OVCH2: variants seen among roughly 807,000 people sequenced by gnomAD.
OVCH2 encodes ovochymase-2.
In OVCH2, 88 loss-of-function variants were observed where a neutral mutation model predicts 73.7. The ratio of observed to expected loss-of-function variants is 1.19; its 90% CI spans 1.01 to 1.43. OVCH2 has a LOEUF of 1.43. Ranked by LOEUF, OVCH2 falls within the 40% of genes most tolerant of loss-of-function variation. The pLI, the probability that OVCH2 is intolerant of heterozygous loss-of-function variation, is 0.00. For synonymous variants in OVCH2, 265 were observed against 234.5 expected (o/e 1.13, Z -1.19); for missense variants, 706 against 674.5 (o/e 1.05, Z -0.52).
Position 7,698,738 on chromosome 11 carries a change from AG to A in OVCH2, c.925+11del. On this transcript the variant is annotated intron_variant, in intron 8 of 15. Transcript: ENST00000533663. ...TGTGCTCCTGATGGAGCAGCCTGCA[AG>A]GGATACCCACCTCTGGAGCTCTTTC... is the stretch of plus-strand genomic sequence containing the variant. 6.2e-7 allele frequency: 1 copy of A among 1,611,734 alleles called. No individual in the cohort carries two copies. The highest frequency in any genetic ancestry group is 8.5e-7 in the Non-Finnish European group (1 of 1,178,946).
At chr11:7,691,119 C>T in intron 14 of OVCH2, 150 bp downstream of exon 14, 1 of 994,336 alleles carries the variant, frequency 1.0e-6, no homozygotes, top group Middle Eastern at 2.2e-4. Flanking sequence ...GCTGAGTATT[C>T]TCTTATTCAG....
intron 15 of OVCH2, 49 bp from the exon 16 acceptor site, chr11:7,689,651 T>G: frequency 1.9e-6 from 1 of 531,716 alleles, no homozygotes; most frequent in Non-Finnish European, 3.6e-6. Flanking sequence ...TTACACGATA[T>G]TCTCCCTGTG....
the OVCH2 span, among the ~76,000 whole-genome samples, chr11:7,684,209 A>G: frequency 0.048 from 7,251 of 152,114 alleles, 331 homozygotes; most frequent in African/African-American, 0.11. Flanking sequence ...AAAGTTTGTC[A>G]GCAGAAGTTA....
At chr11:7,691,174 A>T in intron 14 of OVCH2, 95 bp downstream of exon 14, 2 of 1,413,284 alleles carry the variant, frequency 1.4e-6, no homozygotes, top group South Asian at 2.5e-5. Flanking sequence ...AGATAGTGAG[A>T]ATCGACTGTC....
downstream of OVCH2, among the ~76,000 whole-genome samples, chr11:7,685,816 G>A (rs541294134): frequency 3.3e-5 from 5 of 152,280 alleles, 1 homozygote; most frequent in South Asian, 1.0e-3. Context: ...TGTCACAGGT[G>A]TTCAGTAATT....
At position 7,689,671 on chromosome 11, in the gene OVCH2, C is replaced by T. The variant is rs117692248; in HGVS notation, c.*32-69G>A. 217 of 569,094 alleles carry T rather than the reference C, an allele frequency of 3.8e-4. 2 individuals carry two copies. In the East Asian group the frequency reaches 8.5e-3, roughly 22 times the overall value. The allele number at this position is 569,094 out of a possible 1,614,324, so 35.3% of individuals were successfully genotyped here. A position where few individuals can be genotyped will look rare whatever the true frequency, so the allele number is the denominator to read the frequency against. ...CGATATTCTCCCTGTGTGTGTATGT[C>T]TCTCTGCTTCCAATTTTCTCCTTTT... On this transcript the variant is annotated intron_variant, in intron 15 of 15. Coordinates refer to ENST00000533663, the MANE Select transcript of OVCH2 (RefSeq NM_198185.7).
downstream of OVCH2, among the ~76,000 whole-genome samples, chr11:7,688,831 C>A (rs910078080): frequency 2.0e-5 from 3 of 152,146 alleles, no homozygotes; most frequent in Non-Finnish European, 4.4e-5. Context: ...CAGAACTTCT[C>A]AATGCTCATT....
At chr11:7,701,560 T>C (rs892698111) in intron 5 of OVCH2, 85 bp from the exon 6 acceptor site, 12 of 1,519,420 alleles carry the variant, frequency 7.9e-6, no homozygotes, top group Non-Finnish European at 1.1e-5. Context: ...TTGTGTCGCT[T>C]GGCAAGACTT....
chr11:7,699,261 T>C (rs1456845466), intron 7 of OVCH2: 1 of 156,174 alleles, frequency 6.4e-6, no homozygotes, highest in Non-Finnish European at 1.4e-5. Context: ...ACAATTAAGT[T>C]GGATTTGGAG....
intron 7 of OVCH2, 70 bp downstream of exon 7, chr11:7,700,226 G>A: frequency 6.8e-7 from 1 of 1,474,472 alleles, no homozygotes; most frequent in Non-Finnish European, 9.3e-7. Context: ...GATTTGCCAG[G>A]ACTCTGCTGA....
chr11:7,681,737 AG>A, the OVCH2 span, among the ~76,000 whole-genome samples: 1 of 151,930 alleles, frequency 6.6e-6, no homozygotes, highest in East Asian at 1.9e-4. Context: ...ACCAGGAGTA[AG>A]TGAGGCAGTT....
chr11:7,690,503 T>C, intron 14 of OVCH2, among the ~76,000 whole-genome samples: 1 of 59,226 alleles, frequency 1.7e-5, no homozygotes, highest in East Asian at 4.8e-4. Context: ...ACACATCTAG[T>C]AATGATTGGC....
At chr11:7,701,944 G>A in intron 4 of OVCH2, 133 bp from the exon 5 acceptor site, 1 of 837,728 alleles carries the variant, frequency 1.2e-6, no homozygotes, top group Non-Finnish European at 1.9e-6. Context: ...GGCACCTCCA[G>A]GGGTTACTTG....
intron 3 of OVCH2, 69 bp from the exon 4 acceptor site, chr11:7,702,398 C>T: frequency 8.3e-7 from 1 of 1,208,510 alleles, no homozygotes; most frequent in Non-Finnish European, 1.1e-6. Context: ...ATGGTTGACA[C>T]ACTAGCTTCT....
rs868809219 is a variant in OVCH2 at position 7,691,995 on chromosome 11, G to T, written c.1414C>A (p.Leu472Ile). The T allele has an allele frequency of 6.4e-7, 1 of 1,560,692 alleles. No homozygotes were observed. The highest frequency in any genetic ancestry group is 8.7e-7 in the Non-Finnish European group (1 of 1,150,560). ...FQASKHHLIK[L>I]SFQSLEIEES... The stretch of plus-strand genomic sequence containing the variant: ...TCTATTTCCAGACTCTGAAATGAAA[G>T]CTGAGAAGACACGAAGTTACATCCA... Residue 472 changes from leucine (L) to isoleucine (I), a missense_variant and splice_region_variant, in exon 13 of 16, where the codon CTT (leucine) becomes ATT (isoleucine). Transcript: ENST00000533663.
At chr11:7,692,110 A>G in intron 12 of OVCH2, 115 bp from the exon 13 acceptor site, 1 of 712,332 alleles carries the variant, frequency 1.4e-6, no homozygotes, top group Non-Finnish European at 2.4e-6. Context: ...CTTAGATAAG[A>G]AAGTTAATGG....
At chr11:7,694,622 GT>G (rs1291584184) in intron 12 of OVCH2, among the ~76,000 whole-genome samples, 1 of 23,548 alleles carries the variant, frequency 4.2e-5, no homozygotes, top group Non-Finnish European at 9.6e-5. Context: ...GTTTTGTTTT[GT>G]TTTGTTTTGT....
downstream of OVCH2, among the ~76,000 whole-genome samples, chr11:7,685,639 CCGGT>C (rs113468032): frequency 2.0e-4 from 30 of 148,152 alleles, no homozygotes; most frequent in African/African-American, 5.8e-4. Context: ...TAGCTCCCAC[CCGGT>C]CGGTGTCCAG....
the OVCH2 span, among the ~76,000 whole-genome samples, chr11:7,681,913 G>T: frequency 6.7e-6 from 1 of 149,408 alleles, no homozygotes; most frequent in Non-Finnish European, 1.5e-5. Flanking sequence ...ACTTAAACAT[G>T]ACCAGGACTT....
Sources: allele counts gnomAD v4.1 joint callset (sites outside exome capture counted in the v4.1 genomes callset), GRCh38; gene constraint gnomAD v4.1.1; transcripts MANE v1.5; gene names NCBI Gene and HGNC (gene_info 2026-07-23, HGNC 2026-07-21).